Variants in PLXNA2 observed in about 807,000 individuals in gnomAD.
The protein encoded by PLXNA2 is plexin A2.
PLXNA2 carries 91 observed loss-of-function variants against 193.5 expected under a neutral mutation model. That is an observed-to-expected ratio of 0.47 (90% CI 0.40 to 0.56). The LOEUF (loss-of-function observed/expected upper bound fraction) is 0.56. Ranked by LOEUF, PLXNA2 falls within the 20% of genes least tolerant of loss-of-function variation. The pLI, the probability that PLXNA2 is intolerant of heterozygous loss-of-function variation, is 0.00. For synonymous variants in PLXNA2, 997 were observed against 1,027.3 expected, an observed-to-expected ratio of 0.97 and a Z score of 0.56; for missense variants, 1,995 against 2,503.2, an observed-to-expected ratio of 0.80 and a Z score of 4.33.
intron 3 of PLXNA2, among the ~76,000 whole-genome samples, chr1:208,182,744 G>A (rs529856228): frequency 1.1e-4 from 17 of 152,142 alleles, no homozygotes; most frequent in African/African-American, 4.1e-4. Context: ...TTTCAGCTGG[G>A]CAGAGCTGTG....
chr1:208,237,224 C>A (rs1047113526), intron 1 of PLXNA2, among the ~76,000 whole-genome samples: 2 of 152,202 alleles, frequency 1.3e-5, no homozygotes, highest in African/African-American at 4.8e-5. Context: ...AGGTAGCAAG[C>A]ACATGGCAGA....
At chr1:208,137,619 T>C (rs1216670376) in intron 4 of PLXNA2, among the ~76,000 whole-genome samples, 1 of 152,206 alleles carries the variant, frequency 6.6e-6, no homozygotes, top group Non-Finnish European at 1.5e-5. Context: ...ATCCTCTCAG[T>C]GGAGCACCTG....
At chr1:208,116,238 T>G (rs1366004771) in intron 4 of PLXNA2, among the ~76,000 whole-genome samples, 2 of 152,248 alleles carry the variant, frequency 1.3e-5, no homozygotes, top group African/African-American at 4.8e-5. Context: ...AGAATCTGAC[T>G]GCCTGCCCAA....
At chr1:208,202,536 T>C (rs1216245130) in intron 3 of PLXNA2, among the ~76,000 whole-genome samples, 2 of 152,208 alleles carry the variant, frequency 1.3e-5, no homozygotes, top group Non-Finnish European at 1.5e-5. Context: ...AATTGGTCCC[T>C]ACCCGAAGGC....
intron 13 of PLXNA2, among the ~76,000 whole-genome samples, chr1:208,060,233 C>A (rs565066322): frequency 3.7e-4 from 56 of 152,310 alleles, no homozygotes; most frequent in Non-Finnish European, 7.3e-4. Flanking sequence ...TAATTTCCAG[C>A]TGACATTTCC....
intron 28 of PLXNA2, among the ~76,000 whole-genome samples, chr1:208,033,034 C>CT (rs756299412): frequency 8.2e-4 from 120 of 146,640 alleles, no homozygotes; most frequent in Middle Eastern, 7.3e-3. Flanking sequence ...CTCTCTCTCT[C>CT]TTTTTTTTTT....
At chr1:208,241,157 A>G (rs1672037920) in intron 1 of PLXNA2, among the ~76,000 whole-genome samples, 1 of 152,200 alleles carries the variant, frequency 6.6e-6, no homozygotes, top group Non-Finnish European at 1.5e-5. Context: ...AGATTAGCTG[A>G]GTAAGCAGAA....
chr1:208,103,233 G>A lies in PLXNA2; in HGVS notation c.1521C>T (p.Pro507=), dbSNP rs201710414. 115 of 1,613,544 alleles carry A rather than the reference G, an allele frequency of 7.1e-5. 1 individual carries two copies. In the South Asian group the frequency reaches 1.1e-3, roughly 16 times the overall value. The change falls in exon 5 of 32, where the codon CCC becomes CCT. Residue 507 remains proline (P), a synonymous_variant. Coordinates refer to ENST00000367033, the MANE Select transcript of PLXNA2 (RefSeq NM_025179.4). The part of the protein sequence containing the change: ...VMSERQVTRV[P]VESCEQYTTC... ...TCGTATACTGCTCACATGACTCCAC[G>A]GGGACCCTGGTGACCTGGCAGAGAG...
At chr1:208,063,703 T>G (rs962605708) in intron 12 of PLXNA2, among the ~76,000 whole-genome samples, 1 of 152,160 alleles carries the variant, frequency 6.6e-6, no homozygotes, top group African/African-American at 2.4e-5. Context: ...AGGAGACAAC[T>G]AAGCAACTAT....
At chr1:208,075,260 AG>A (rs1666109675) in intron 12 of PLXNA2, among the ~76,000 whole-genome samples, 1 of 152,118 alleles carries the variant, frequency 6.6e-6, no homozygotes, top group Non-Finnish European at 1.5e-5. Flanking sequence ...TAGTGAGCCA[AG>A]ATCACACCAC....
chr1:208,073,989 T>G (rs1666058052), intron 12 of PLXNA2, among the ~76,000 whole-genome samples: 1 of 152,210 alleles, frequency 6.6e-6, no homozygotes. Context: ...TCCAAATATA[T>G]TCAGGTTGTT....
At chr1:208,031,904 G>A in intron 28 of PLXNA2, 145 bp from the exon 29 acceptor site, 2 of 1,288,948 alleles carry the variant, frequency 1.6e-6, no homozygotes, top group Non-Finnish European at 2.1e-6. Flanking sequence ...GGGTGGGGAA[G>A]GGTACTATTG....
intron 12 of PLXNA2, among the ~76,000 whole-genome samples, chr1:208,068,952 AGT>A (rs1195331715): frequency 6.6e-6 from 1 of 152,242 alleles, no homozygotes; most frequent in Non-Finnish European, 1.5e-5. Context: ...TAGAATAAAA[AGT>A]GTGTATATCG....
chr1:208,117,000 C>T lies in PLXNA2; in HGVS notation c.1507-13753G>A, dbSNP rs544855179. Among the ~76,000 whole-genome samples, 109 of 152,112 alleles carry T rather than the reference C, an allele frequency of 7.2e-4. 2 individuals carry two copies. In the South Asian group the frequency reaches 0.021, roughly 30 times the overall value. The stretch of plus-strand genomic sequence containing the variant: ...CAGCCTGGCCAACATGGTGAAACCC[C>T]GTGTCTACAAAAATACAAAAATTAG... On this transcript the variant is annotated intron_variant, in intron 4 of 31. Coordinates refer to ENST00000367033, the MANE Select transcript of PLXNA2 (RefSeq NM_025179.4).
At chr1:208,238,363 T>C (rs1671936137) in intron 1 of PLXNA2, among the ~76,000 whole-genome samples, 1 of 152,334 alleles carries the variant, frequency 6.6e-6, no homozygotes, top group African/African-American at 2.4e-5. Flanking sequence ...CATAACACGA[T>C]ACATTTATCT....
chr1:208,146,139 C>G (rs1258353715), intron 3 of PLXNA2, among the ~76,000 whole-genome samples: 1 of 152,172 alleles, frequency 6.6e-6, no homozygotes, highest in Non-Finnish European at 1.5e-5. Context: ...TCTTTCCCCT[C>G]CCTTGATCCC....
intron 3 of PLXNA2, among the ~76,000 whole-genome samples, chr1:208,203,706 G>T (rs1291354062): frequency 6.6e-6 from 1 of 152,182 alleles, no homozygotes; most frequent in African/African-American, 2.4e-5. Flanking sequence ...GAGGGTGGGG[G>T]TGAGCATATA....
At chr1:208,156,140 G>A (rs1668935171) in intron 3 of PLXNA2, among the ~76,000 whole-genome samples, 1 of 152,164 alleles carries the variant, frequency 6.6e-6, no homozygotes, top group Non-Finnish European at 1.5e-5. Flanking sequence ...CAGTCAAGTT[G>A]TGATATAAAC....
At position 208,103,177 on chromosome 1, in the gene PLXNA2, G is replaced by A. The variant is rs759203916; in HGVS notation, c.1577C>T (p.Pro526Leu). The part of the protein sequence containing the change: ...TCGECLSSGD[P>L]HCGWCALHNM... ...GTGCAGGGCACACCAGCCACAGTGA[G>A]GGTCCCCAGAGCTCAGGCACTCCCC... Residue 526 changes from proline (P) to leucine (L), a missense_variant, in exon 5 of 32, where the codon CCT becomes CTT. Physicochemically the swap from Pro to Leu is moderately conservative, Grantham distance 98. Coordinates refer to ENST00000367033, the MANE Select transcript of PLXNA2 (RefSeq NM_025179.4). The A allele has an allele frequency of 6.2e-7, 1 of 1,614,078 alleles. No homozygotes were observed. The highest frequency in any genetic ancestry group is 8.5e-7 in the Non-Finnish European group (1 of 1,179,986).
Sources: allele counts gnomAD v4.1 joint callset (sites outside exome capture counted in the v4.1 genomes callset), GRCh38; gene constraint gnomAD v4.1.1; transcripts MANE v1.5; gene names NCBI Gene and HGNC (gene_info 2026-07-23, HGNC 2026-07-21).